Variants in RALGPS2 observed in about 807,000 individuals in gnomAD.
RALGPS2 encodes Ral GEF with PH domain and SH3 binding motif 2, also known as ras-specific guanine nucleotide-releasing factor RalGPS2.
In RALGPS2, 43 loss-of-function variants were observed where a neutral mutation model predicts 86.8. That is an observed-to-expected ratio of 0.50 (90% CI 0.39 to 0.64). The LOEUF is 0.64. Ranked by LOEUF, RALGPS2 falls within the 30% of genes least tolerant of loss-of-function variation. The pLI, the probability that RALGPS2 is intolerant of heterozygous loss-of-function variation, is 0.00. For synonymous variants in RALGPS2, 243 were observed against 231.3 expected, an observed-to-expected ratio of 1.05 and a Z score of -0.46; for missense variants, 536 against 694.6, an observed-to-expected ratio of 0.77 and a Z score of 2.57.
At chr1:178,859,822 C>T (rs1448934429) in intron 8 of RALGPS2, among the ~76,000 whole-genome samples, 1 of 49,028 alleles carries the variant, frequency 2.0e-5, no homozygotes, top group Non-Finnish European at 4.0e-5. Context: ...CTCTGCCCGC[C>T]CCCCCCCCCC....
chr1:178,891,342 A>G (rs1558173542), intron 14 of RALGPS2, among the ~76,000 whole-genome samples: 2 of 152,104 alleles, frequency 1.3e-5, no homozygotes, highest in Non-Finnish European at 2.9e-5. Flanking sequence ...ATAAAGTACT[A>G]CTCATGGATA....
In RALGPS2 at chr1:178,813,397, G is replaced by A. The variant is rs114528800; in HGVS notation, c.387+1993G>A. Among the ~76,000 whole-genome samples the A allele has an allele frequency of 6.5e-3, 990 of 152,214 alleles. 10 individuals are homozygous for A. Among genetic ancestry groups the A allele is most frequent in the African/African-American group, 0.022 (894 of 41,520 alleles). On this transcript the variant is annotated intron_variant, in intron 6 of 19. Transcript: ENST00000367635. ...TTCATCAAACAATCATTTAACTTCA[G>A]TTCAGACTTTGAATTATTTTTGACA...
At chr1:178,770,342 A>G (rs1212985853) in intron 1 of RALGPS2, among the ~76,000 whole-genome samples, 1 of 151,918 alleles carries the variant, frequency 6.6e-6, no homozygotes, top group African/African-American at 2.4e-5. Flanking sequence ...ATCTTTATGC[A>G]CTATCTTGAT....
intron 8 of RALGPS2, chr1:178,853,693 C>T (rs764492378): frequency 6.2e-7 from 1 of 1,613,286 alleles, no homozygotes; most frequent in Non-Finnish European, 8.5e-7. Context: ...CACACCATAA[C>T]TGCATTGGTC....
At chr1:178,788,841 C>CTTTTCT (rs1553263494) in intron 4 of RALGPS2, among the ~76,000 whole-genome samples, 567 of 132,484 alleles carry the variant, frequency 4.3e-3, no homozygotes, top group Non-Finnish European at 6.0e-3. Context: ...TTCTTTCTTT[C>CTTTTCT]TTTCTTTTCT....
chr1:178,908,085 C>G (rs1660463350), intron 19 of RALGPS2, among the ~76,000 whole-genome samples: 1 of 152,132 alleles, frequency 6.6e-6, no homozygotes, highest in African/African-American at 2.4e-5. Flanking sequence ...TCACCCCTCT[C>G]CCACCCTCCC....
At chr1:178,856,992 A>G (rs1434447292) in intron 8 of RALGPS2, among the ~76,000 whole-genome samples, 1 of 152,184 alleles carries the variant, frequency 6.6e-6, no homozygotes, top group Non-Finnish European at 1.5e-5. Flanking sequence ...TGCTACCACT[A>G]TTCTCCTTTT....
intron 1 of RALGPS2, among the ~76,000 whole-genome samples, chr1:178,772,943 A>G (rs1315013412): frequency 2.0e-5 from 3 of 152,138 alleles, no homozygotes; most frequent in Admixed American, 1.3e-4. Context: ...CTGGGATTAC[A>G]GGCACGTGCC....
chr1:178,906,150 A>G (rs990223546), intron 18 of RALGPS2, among the ~76,000 whole-genome samples: 3 of 152,216 alleles, frequency 2.0e-5, no homozygotes, highest in African/African-American at 4.8e-5. Flanking sequence ...AGGCAGGCAC[A>G]TCACTTGAGG....
Position 178,917,218 on chromosome 1 carries a change from C to T in RALGPS2, c.*859C>T, listed in dbSNP as rs550576745. ...ATCTGCTTAAGTAAAGAGCTATAAT[C>T]CCAACCTAAACTTTTCTGAGATTTT... On this transcript the variant is annotated 3_prime_UTR_variant, in exon 20 of 20. Transcript: ENST00000367635. 2.0e-5 allele frequency: 3 copies of T among 152,128 alleles called. No individual in the cohort carries two copies. In the East Asian group the frequency reaches 5.8e-4, roughly 29 times the overall value. The allele number at this position is 152,128 out of a possible 1,614,324, so 9.4% of individuals were successfully genotyped here. A position where few individuals can be genotyped will look rare whatever the true frequency, so the allele number is the denominator to read the frequency against.
In RALGPS2 at chr1:178,902,226, T is replaced by A. The variant is rs1558179270; in HGVS notation, c.1630+15T>A. 4 of 1,578,522 alleles carry A rather than the reference T, an allele frequency of 2.5e-6. No homozygotes were observed. Among genetic ancestry groups the A allele is most frequent in the Non-Finnish European group, 2.6e-6 (3 of 1,148,112 alleles). ...CTCTGAGAAAGGTGAATTGTTAGAATAACTGGGGCTTACGATACTGCGTAT... is the reference window on the plus strand; with the variant it reads ...CTCTGAGAAAGGTGAATTGTTAGAAAAACTGGGGCTTACGATACTGCGTAT... On this transcript the variant is annotated intron_variant, in intron 18 of 19. Coordinates refer to ENST00000367635, the MANE Select transcript of RALGPS2 (RefSeq NM_152663.5).
intron 7 of RALGPS2, among the ~76,000 whole-genome samples, chr1:178,832,148 T>C (rs571120040): frequency 1.7e-4 from 26 of 152,280 alleles, no homozygotes; most frequent in African/African-American, 6.0e-4. Flanking sequence ...GCACCTAATC[T>C]TGAGATTACT....
In RALGPS2 at chr1:178,892,326, C is replaced by A. The variant is rs1197723588; in HGVS notation, c.1325+19C>A. 6.2e-7 allele frequency: 1 copy of A among 1,604,290 alleles called. No individual in the cohort carries two copies. The highest frequency in any genetic ancestry group is 1.7e-5 in the Admixed American group (1 of 59,822). On this transcript the variant is annotated intron_variant, in intron 15 of 19. Coordinates refer to ENST00000367635, the MANE Select transcript of RALGPS2 (RefSeq NM_152663.5). ...CCAGCAGGTACAATTCCCCTGCATT[C>A]AGGGGTCACAGAACTCCCTTATGGT...
At chr1:178,752,133 A>AT (rs201582341) in intron 1 of RALGPS2, among the ~76,000 whole-genome samples, 6,332 of 136,182 alleles carry the variant, frequency 0.046, 322 homozygotes, top group African/African-American at 0.13. Flanking sequence ...TTGTGTAGTA[A>AT]TTTTTTTTTT....
chr1:178,770,855 T>G (rs2102088035), intron 1 of RALGPS2, among the ~76,000 whole-genome samples: 1 of 150,326 alleles, frequency 6.7e-6, no homozygotes, highest in East Asian at 1.9e-4. Flanking sequence ...TTTTTTTTTT[T>G]GAGACGGAGT....
chr1:178,811,524 TA>T (rs1351446671), intron 6 of RALGPS2, 120 bp downstream of exon 6: 3 of 697,554 alleles, frequency 4.3e-6, no homozygotes, highest in Non-Finnish European at 6.9e-6. Flanking sequence ...GACTCATTGA[TA>T]TAAGTCAATT....
chr1:178,884,235 A>G (rs897737026), intron 11 of RALGPS2, among the ~76,000 whole-genome samples: 1 of 152,158 alleles, frequency 6.6e-6, no homozygotes, highest in Non-Finnish European at 1.5e-5. Context: ...AATTTTTTCA[A>G]ATGTTCACTT....
chr1:178,862,704 G>GA (rs1435189347), intron 8 of RALGPS2, among the ~76,000 whole-genome samples: 1 of 151,930 alleles, frequency 6.6e-6, no homozygotes, highest in Non-Finnish European at 1.5e-5. Flanking sequence ...ATATTTAGGG[G>GA]AAAATGAGTG....
At chr1:178,915,237 C>CT (rs894715962) in intron 19 of RALGPS2, among the ~76,000 whole-genome samples, 2 of 151,650 alleles carry the variant, frequency 1.3e-5, no homozygotes, top group East Asian at 1.9e-4. Flanking sequence ...ATACAAGTTT[C>CT]TTTTTTTTTC....
Sources: allele counts gnomAD v4.1 joint callset (sites outside exome capture counted in the v4.1 genomes callset), GRCh38; gene constraint gnomAD v4.1.1; transcripts MANE v1.5; gene names NCBI Gene and HGNC (gene_info 2026-07-23, HGNC 2026-07-21).